Variants in DCUN1D1 observed in about 807,000 individuals in gnomAD.
The protein encoded by DCUN1D1 is DCN1-like protein 1.
DCUN1D1 carries 3 observed loss-of-function variants against 39.0 expected under a neutral mutation model. The ratio of observed to expected loss-of-function variants is 0.08; its 90% confidence interval spans 0.04 to 0.20. The LOEUF (loss-of-function observed/expected upper bound fraction) is 0.20. Ranked by LOEUF, DCUN1D1 falls within the 10% of genes least tolerant of loss-of-function variation. The pLI is 1.00. For synonymous variants in DCUN1D1, 82 were observed against 96.3 expected (o/e 0.85, Z 0.87); for missense variants, 158 against 302.4 (o/e 0.52, Z 3.54).
chr3:182,960,253 A>G (rs1049229967), intron 4 of DCUN1D1, among the ~76,000 whole-genome samples: 2 of 150,604 alleles, frequency 1.3e-5, no homozygotes, highest in Non-Finnish European at 3.0e-5. Context: ...CATTTCCCAC[A>G]AATTCCAATT....
intron 1 of DCUN1D1, among the ~76,000 whole-genome samples, chr3:182,969,945 C>G (rs939985997): frequency 1.3e-5 from 2 of 151,978 alleles, no homozygotes; most frequent in Non-Finnish European, 2.9e-5. Flanking sequence ...ATTTTTTTCA[C>G]TCAAGAAATT....
intron 1 of DCUN1D1, among the ~76,000 whole-genome samples, chr3:182,973,108 G>C (rs866369073): frequency 6.6e-6 from 1 of 152,126 alleles, no homozygotes; most frequent in South Asian, 2.1e-4. Flanking sequence ...AGGGAGGAAC[G>C]TTCCAAGACT....
At chr3:182,978,949 G>C (rs963282584) in intron 1 of DCUN1D1, among the ~76,000 whole-genome samples, 6 of 152,198 alleles carry the variant, frequency 3.9e-5, no homozygotes, top group Non-Finnish European at 1.5e-5. Flanking sequence ...TGCGGATCTG[G>C]AGACCATCCT....
chr3:182,948,436 T>C (rs190440124), intron 4 of DCUN1D1, among the ~76,000 whole-genome samples: 170 of 151,876 alleles, frequency 1.1e-3, no homozygotes, highest in Admixed American at 3.0e-3. Context: ...ACTACACTTA[T>C]CACACGACAG....
chr3:182,973,584 G>A (rs1728060605), intron 1 of DCUN1D1, among the ~76,000 whole-genome samples: 2 of 152,164 alleles, frequency 1.3e-5, no homozygotes, highest in South Asian at 2.1e-4. Context: ...CAAGGCGGGC[G>A]GATCATGAGG....
chr3:182,970,267 A>C (rs908366146), intron 1 of DCUN1D1, among the ~76,000 whole-genome samples: 37 of 149,590 alleles, frequency 2.5e-4, no homozygotes, highest in African/African-American at 8.9e-4. Context: ...TTAACCCCCC[A>C]AAAAAAAGAA....
At chr3:182,978,429 G>C (rs1728354611) in intron 1 of DCUN1D1, among the ~76,000 whole-genome samples, 1 of 152,114 alleles carries the variant, frequency 6.6e-6, no homozygotes, top group Non-Finnish European at 1.5e-5. Flanking sequence ...AGCCAGGCTG[G>C]AGTGGTGCAG....
intron 1 of DCUN1D1, among the ~76,000 whole-genome samples, chr3:182,967,147 T>C (rs1727711625): frequency 6.7e-6 from 1 of 149,520 alleles, no homozygotes; most frequent in Non-Finnish European, 1.5e-5. Flanking sequence ...TATATATATA[T>C]ATATATATAT....
At position 182,962,713 on chromosome 3, in the gene DCUN1D1, T is replaced by C. The variant is rs116493210; in HGVS notation, c.389+1168A>G. 9.2e-3 allele frequency among the ~76,000 whole-genome samples: 1,399 copies of C among 152,352 alleles called. 10 individuals carry two copies. The highest frequency in any genetic ancestry group is 0.037 in the Middle Eastern group (11 of 294). On this transcript the variant is annotated intron_variant, in intron 3 of 6. Transcript: ENST00000292782. ...CCTGTTATGCCTTGGAGTTTCCTTT[T>C]ATCCCTTTGACAGAGTAAAGCAAGT...
In DCUN1D1 at chr3:182,978,051, A is replaced by AC. The variant is rs1170833730; in HGVS notation, c.3+2435_3+2436insG. On this transcript the variant is annotated intron_variant, in intron 1 of 6. Coordinates refer to ENST00000292782, the MANE Select transcript of DCUN1D1 (RefSeq NM_020640.4). Reference sequence around the variant, plus strand: ...CAAAAACTCCATCTCAAAAAAAAAAAAACAACAACAACAAAAAACAAGTTC... The same window carrying AC: ...CAAAAACTCCATCTCAAAAAAAAAAACAACAACAACAACAAAAAACAAGTTC... Among the ~76,000 whole-genome samples, 556 of 151,532 alleles carry AC rather than the reference A, an allele frequency of 3.7e-3. 4 individuals carry two copies. Among genetic ancestry groups the AC allele is most frequent in the South Asian group, 5.4e-3 (26 of 4,772 alleles).
Position 182,964,016 on chromosome 3 carries a change from C to T in DCUN1D1, c.254G>A (p.Gly85Asp). ...CAGGTCATCACAGAACTGCTGTATG[C>T]CATCTATTCCAATTTTATTCTCATC... ...PQDENKIGID[G>D]IQQFCDDLAL... The change falls in exon 3 of 7, where the codon GGC becomes GAC. Residue 85 changes from glycine (G) to aspartate (D), a missense_variant. Gly to Asp is a moderately conservative substitution (Grantham distance 94, BLOSUM62 -1). Around this residue, in one of 4 missense-constraint regions of DCUN1D1, gnomAD observed 107 missense variants for 174.7 expected, o/e 0.61. Transcript: ENST00000292782. The T allele has an allele frequency of 6.2e-7, 1 of 1,613,274 alleles. No individual in the cohort carries two copies. The highest frequency in any genetic ancestry group is 8.5e-7 in the Non-Finnish European group (1 of 1,179,540).
chr3:182,951,617 C>CAAAA (rs748698621), intron 4 of DCUN1D1, among the ~76,000 whole-genome samples: 24 of 44,376 alleles, frequency 5.4e-4, no homozygotes, highest in South Asian at 1.6e-3. Context: ...CCCTGTCTCC[C>CAAAA]AAAAAAAAAA....
At chr3:182,976,440 TACATACACACACAC>T (rs1483680357) in intron 1 of DCUN1D1, among the ~76,000 whole-genome samples, 1 of 93,076 alleles carries the variant, frequency 1.1e-5, no homozygotes, top group Non-Finnish European at 2.2e-5. Flanking sequence ...TACATATACA[TACATACACACACAC>T]ACACACACAC....
intron 4 of DCUN1D1, among the ~76,000 whole-genome samples, chr3:182,949,509 C>A (rs957044489): frequency 5.9e-5 from 9 of 152,032 alleles, no homozygotes; most frequent in Non-Finnish European, 1.3e-4. Flanking sequence ...TGCTTGAGAT[C>A]AGGAGTTCAA....
intron 4 of DCUN1D1, among the ~76,000 whole-genome samples, chr3:182,960,769 T>C (rs1359172359): frequency 1.3e-5 from 2 of 152,228 alleles, no homozygotes; most frequent in Non-Finnish European, 2.9e-5. Context: ...AATAAGACTA[T>C]GAATGATAAG....
chr3:182,980,382 C>A, intron 1 of DCUN1D1, 105 bp downstream of exon 1: 2 of 869,218 alleles, frequency 2.3e-6, no homozygotes, highest in Non-Finnish European at 2.8e-6. Context: ...CGGGCCGAGG[C>A]TCGGGGCTGC....
At chr3:182,977,765 C>A (rs1728312541) in intron 1 of DCUN1D1, among the ~76,000 whole-genome samples, 1 of 151,846 alleles carries the variant, frequency 6.6e-6, no homozygotes, top group Non-Finnish European at 1.5e-5. Flanking sequence ...TTCAGGCTGG[C>A]GTGGTGGCTC....
rs556140869 is a variant in DCUN1D1 at position 182,938,263 on chromosome 3, T to C, written c.*6831A>G. On this transcript the variant is annotated 3_prime_UTR_variant, in exon 7 of 7. Coordinates refer to ENST00000292782, the MANE Select transcript of DCUN1D1 (RefSeq NM_020640.4). ...ATCATTGTTTTTTCAAAAAAATGAA[T>C]TTGAAGCCAAAGAGTGGAGAGTGTG... 6.6e-6 allele frequency: 1 copy of C among 152,128 alleles called. No individual in the cohort carries two copies. The highest frequency in any genetic ancestry group is 2.1e-4 in the South Asian group (1 of 4,814). The allele number at this position is 152,128 out of a possible 1,614,324, so 9.4% of individuals were successfully genotyped here.
Position 182,944,920 on chromosome 3 carries a change from T to C in DCUN1D1, c.*174A>G, listed in dbSNP as rs1452275350. On this transcript the variant is annotated 3_prime_UTR_variant, in exon 7 of 7. Transcript: ENST00000292782. ...CTAGAAGACAAGCCCAAACCACCAT[T>C]AGAAGAATGAAATACGATATGGTCC... 3 of 562,964 alleles carry C rather than the reference T, an allele frequency of 5.3e-6. No individual in the cohort carries two copies. Among genetic ancestry groups the C allele is most frequent in the East Asian group, 6.3e-5 (2 of 31,610 alleles). The allele number at this position is 562,964 out of a possible 1,614,324, so 34.9% of individuals were successfully genotyped here. A position where few individuals can be genotyped will look rare whatever the true frequency, so the allele number is the denominator to read the frequency against.
Sources: gnomAD v4.1 joint callset for allele counts (sites outside exome capture counted in the v4.1 genomes callset) on GRCh38, gnomAD v4.1.1 for gene constraint, gnomAD v4.1.1 regional missense constraint, MANE v1.5 for transcripts, NCBI Gene and HGNC (gene_info 2026-07-23, HGNC 2026-07-21) for gene names.